The following SNHG17 variants were observed in gnomAD, a reference collection of about 807,000 sequenced individuals.
SNHG17 encodes the protein small nucleolar RNA host gene 17 (non-protein coding).
intron 6 of SNHG17, chr20:38,421,835 AG>A (rs2084160388): frequency 6.6e-6 from 1 of 152,632 alleles, no homozygotes; most frequent in African/African-American, 2.4e-5. Context: ...GGCCTGAGGC[AG>A]GGAGAGCAGC....
At chr20:38,423,642 C>T (rs956217124) in intron 5 of SNHG17, among the ~76,000 whole-genome samples, 4 of 150,480 alleles carry the variant, frequency 2.7e-5, no homozygotes, top group African/African-American at 9.8e-5. Context: ...GAGATGTAGG[C>T]CAAAGGACAC....
chr20:38,429,755 T>C lies in SNHG17; in HGVS notation n.380+1286A>G, dbSNP rs746047736. 6 of 517,040 alleles carry C rather than the reference T, an allele frequency of 1.2e-5. 1 individual carries two copies. The highest frequency in any genetic ancestry group is 8.4e-5 in the South Asian group (6 of 71,350). The allele number at this position is 517,040 out of a possible 1,614,324, so 32.0% of individuals were successfully genotyped here. On this transcript the variant is annotated intron_variant and non_coding_transcript_variant, in intron 3 of 8. Coordinates refer to ENST00000654008, the Ensembl canonical transcript of SNHG17. The stretch of plus-strand genomic sequence containing the variant: ...CTCTCGGCAGTTCCTCTCCCTGCAC[T>C]ACCAATGACCAGGGCACGGGCAGCT...
intron 5 of SNHG17, chr20:38,425,316 A>C: frequency 1.9e-6 from 1 of 519,216 alleles, no homozygotes; most frequent in Non-Finnish European, 3.8e-6. Flanking sequence ...GCCCACGATC[A>C]CTTTCGAATA....
chr20:38,423,045 T>C (rs1364250814), intron 5 of SNHG17, among the ~76,000 whole-genome samples: 1 of 148,648 alleles, frequency 6.7e-6, no homozygotes, highest in Non-Finnish European at 1.5e-5. Context: ...TGAGCTGAGA[T>C]CGCACCACTG....
intron 2 of SNHG17, chr20:38,434,145 C>T (rs994668192): frequency 2.6e-6 from 1 of 386,236 alleles, no homozygotes; most frequent in Non-Finnish European, 5.1e-6. Flanking sequence ...CACCCAGAGT[C>T]CACAGGAAAA....
rs2084251860 is a variant in SNHG17 at position 38,426,538 on chromosome 20, A to G, written n.381-35T>C. 2 of 140,124 alleles carry G rather than the reference A, an allele frequency of 1.4e-5. 1 individual carries two copies. The highest frequency in any genetic ancestry group is 4.6e-4 in the South Asian group (2 of 4,354). The allele number at this position is 140,124 out of a possible 1,614,324, so 8.7% of individuals were successfully genotyped here. A position where few individuals can be genotyped will look rare whatever the true frequency, so the allele number is the denominator to read the frequency against. ...CAAGAAGCCACACATATCACTTCTT[A>G]TAACACATTCCACTATCCAACATGT... On this transcript the variant is annotated intron_variant and non_coding_transcript_variant, in intron 3 of 8. Transcript: ENST00000654008.
At chr20:38,432,545 G>A in intron 2 of SNHG17, among the ~76,000 whole-genome samples, 1 of 152,100 alleles carries the variant, frequency 6.6e-6, no homozygotes, top group Non-Finnish European at 1.5e-5. Context: ...ATTAATCCTG[G>A]TGGCCCACGG....
chr20:38,432,892 C>A (rs566660510), intron 2 of SNHG17, among the ~76,000 whole-genome samples: 6 of 152,066 alleles, frequency 3.9e-5, no homozygotes, highest in Admixed American at 2.0e-4. Flanking sequence ...TCAAGCGATC[C>A]ACCCACCTCA....
chr20:38,429,714 C>G (rs181514340), intron 3 of SNHG17: 99 of 511,110 alleles, frequency 1.9e-4, no homozygotes, highest in African/African-American at 1.8e-3. Context: ...GTGGACCCTC[C>G]AAACACGGGG....
intron 6 of SNHG17, chr20:38,421,240 G>A (rs937235930): frequency 6.6e-6 from 1 of 152,184 alleles, no homozygotes; most frequent in Non-Finnish European, 1.5e-5. Flanking sequence ...CCAACAGAAA[G>A]GACATGAAAG....
intron 3 of SNHG17, chr20:38,429,857 C>A (rs1200899467): frequency 5.9e-6 from 3 of 508,946 alleles, no homozygotes; most frequent in Non-Finnish European, 7.8e-6. Context: ...GCATTCCGGG[C>A]AATGGTCTCA....
At chr20:38,430,211 C>T (rs2084319322) in intron 3 of SNHG17, among the ~76,000 whole-genome samples, 1 of 152,254 alleles carries the variant, frequency 6.6e-6, no homozygotes, top group Non-Finnish European at 1.5e-5. Context: ...ATCCCAGCTA[C>T]TCGGGAGGAT....
intron 3 of SNHG17, chr20:38,428,150 G>A (rs1294243574): frequency 6.6e-6 from 1 of 152,202 alleles, no homozygotes; most frequent in East Asian, 1.9e-4. Context: ...ATTACAACTG[G>A]AAAGAAATCC....
intron 2 of SNHG17, among the ~76,000 whole-genome samples, chr20:38,433,702 G>A (rs1447761100): frequency 6.6e-6 from 1 of 152,188 alleles, no homozygotes; most frequent in Non-Finnish European, 1.5e-5. Context: ...TGTGACTAGT[G>A]GGGGCTGCAG....
chr20:38,434,884 G>C (rs2084405537), intron 1 of SNHG17: 1 of 1,212,070 alleles, frequency 8.3e-7, no homozygotes, highest in Admixed American at 4.3e-5. Context: ...GCCAGGAGTC[G>C]GGGGCGGGCA....
intron 3 of SNHG17, among the ~76,000 whole-genome samples, chr20:38,430,321 G>C (rs1215183321): frequency 6.8e-6 from 1 of 146,978 alleles, no homozygotes; most frequent in Admixed American, 6.8e-5. Flanking sequence ...CGTCTCAAAA[G>C]AAAATAAAAA....
At chr20:38,429,361 G>A (rs117956942) in intron 3 of SNHG17, 172 of 184,734 alleles carry the variant, frequency 9.3e-4, no homozygotes, top group Non-Finnish European at 1.5e-3. Context: ...CACTGCCCTT[G>A]AGACCACAGC....
At chr20:38,427,030 ACACG>A (rs1488519807) in intron 3 of SNHG17, among the ~76,000 whole-genome samples, 11 of 146,868 alleles carry the variant, frequency 7.5e-5, no homozygotes, top group Admixed American at 2.0e-4. Flanking sequence ...ACACACACAC[ACACG>A]GGGTCAGCCC....
intron 2 of SNHG17, chr20:38,434,050 G>A: frequency 2.0e-6 from 1 of 511,136 alleles, no homozygotes; most frequent in Admixed American, 1.9e-5. Flanking sequence ...CAGATCTCCA[G>A]AGGGAGGCTC....
Sources: gnomAD v4.1 joint callset for allele counts (sites outside exome capture counted in the v4.1 genomes callset) on GRCh38, gnomAD v4.1.1 for gene constraint, MANE v1.5 for transcripts, NCBI Gene and HGNC (gene_info 2026-07-23, HGNC 2026-07-21) for gene names.